Variants in PTPRD observed in about 807,000 individuals in gnomAD.
PTPRD encodes the protein receptor-type tyrosine-protein phosphatase delta.
In PTPRD, 34 loss-of-function variants were observed where a neutral mutation model predicts 214.5. That is an observed-to-expected ratio of 0.16 (90% CI 0.12 to 0.21). The LOEUF is 0.21. Among genes scored for constraint, PTPRD ranks in the 10% least tolerant of loss-of-function variants. The probability of loss-of-function intolerance (pLI) is 1.00; values close to 1 mark genes in which losing one functional copy is unlikely to be tolerated. For synonymous variants in PTPRD, 1,128 were observed against 845.7 expected (o/e 1.33, Z -5.79); for missense variants, 2,545 against 2,398.7 (o/e 1.06, Z -1.27).
intron 8 of PTPRD, among the ~76,000 whole-genome samples, chr9:9,408,919 T>C (rs945637596): frequency 6.6e-6 from 1 of 151,938 alleles, no homozygotes; most frequent in Non-Finnish European, 1.5e-5. Context: ...TAGTCTGGTG[T>C]GTTAGAGACT....
At chr9:9,020,233 T>G (rs1195218059) in intron 10 of PTPRD, among the ~76,000 whole-genome samples, 3 of 152,196 alleles carry the variant, frequency 2.0e-5, no homozygotes, top group African/African-American at 7.2e-5. Context: ...TCTAAAAAAG[T>G]GGAAGGATGT....
At chr9:10,182,184 A>G (rs1819172) in intron 3 of PTPRD, among the ~76,000 whole-genome samples, 2 of 140,592 alleles carry the variant, frequency 1.4e-5, no homozygotes, top group Admixed American at 1.5e-4. Context: ...CGCTTGAACT[A>G]GGGAGGCAGA....
At chr9:10,434,509 AG>A (rs2098704436) in intron 2 of PTPRD, among the ~76,000 whole-genome samples, 1 of 151,890 alleles carries the variant, frequency 6.6e-6, no homozygotes, top group Admixed American at 6.6e-5. Flanking sequence ...CAAGAGTTTA[AG>A]AAAGGAGTAT....
chr9:9,124,536 A>G (rs958757881), intron 10 of PTPRD, among the ~76,000 whole-genome samples: 1 of 152,182 alleles, frequency 6.6e-6, no homozygotes, highest in African/African-American at 2.4e-5. Context: ...GACTAAAAAC[A>G]ATCAAGCAAT....
intron 2 of PTPRD, among the ~76,000 whole-genome samples, chr9:10,514,122 G>T (rs1195101930): frequency 6.6e-6 from 1 of 151,900 alleles, no homozygotes; most frequent in Non-Finnish European, 1.5e-5. Flanking sequence ...AGTGAGTAAA[G>T]GTCAGTTTAT....
At chr9:8,820,942 G>C (rs140769515) in intron 11 of PTPRD, among the ~76,000 whole-genome samples, 1 of 152,244 alleles carries the variant, frequency 6.6e-6, no homozygotes, top group African/African-American at 2.4e-5. Flanking sequence ...ATCATTTTAA[G>C]TTATCAAACA....
At chr9:10,022,600 A>G (rs1404826093) in intron 4 of PTPRD, among the ~76,000 whole-genome samples, 1 of 152,250 alleles carries the variant, frequency 6.6e-6, no homozygotes, top group Non-Finnish European at 1.5e-5. Context: ...TGTAGTGCAC[A>G]GAATAAAAAA....
intron 12 of PTPRD, among the ~76,000 whole-genome samples, chr9:8,724,139 T>A (rs1221921675): frequency 6.6e-6 from 1 of 152,214 alleles, no homozygotes; most frequent in Non-Finnish European, 1.5e-5. Flanking sequence ...TAAAACTATC[T>A]GAACTTCATG....
At chr9:8,816,521 A>C (rs375028517) in intron 11 of PTPRD, among the ~76,000 whole-genome samples, 3 of 152,200 alleles carry the variant, frequency 2.0e-5, no homozygotes, top group Admixed American at 2.0e-4. Flanking sequence ...AAAGGTTCCT[A>C]AAGGAAATCA....
chr9:9,865,612 C>G (rs2063769348), intron 5 of PTPRD, among the ~76,000 whole-genome samples: 1 of 152,134 alleles, frequency 6.6e-6, no homozygotes. Flanking sequence ...TTCAGATATT[C>G]TGTTATAAAC....
chr9:9,134,609 G>A (rs1592183309), intron 10 of PTPRD, among the ~76,000 whole-genome samples: 1 of 152,136 alleles, frequency 6.6e-6, no homozygotes, highest in African/African-American at 2.4e-5. Context: ...AAAAATTTAG[G>A]TATTTGAAAT....
At chr9:9,347,285 A>G (rs565489419) in intron 9 of PTPRD, among the ~76,000 whole-genome samples, 6 of 151,046 alleles carry the variant, frequency 4.0e-5, no homozygotes, top group Non-Finnish European at 8.9e-5. Flanking sequence ...TATACTTTCT[A>G]TACTTCAGAG....
intron 9 of PTPRD, among the ~76,000 whole-genome samples, chr9:9,240,724 T>C (rs1395347299): frequency 6.6e-6 from 1 of 152,198 alleles, no homozygotes; most frequent in Non-Finnish European, 1.5e-5. Context: ...GTAATACGAA[T>C]GTTTCAAAAT....
At position 8,636,835 on chromosome 9, in the gene PTPRD, C is replaced by T. The variant is rs2154328444; in HGVS notation, c.74G>A (p.Arg25Lys). Residue 25 changes from arginine to lysine, a missense_variant, in exon 13 of 46, where the codon AGG becomes AAG. By Grantham distance (26) the Arg-to-Lys change is conservative (BLOSUM62 2). Coordinates refer to ENST00000381196, the MANE Select transcript of PTPRD (RefSeq NM_002839.4). ...CTGATCAACGGGTGTTCGTGTAAAC[C>T]TTGGAGGTGCTGAAATAAAAAATAA... ...FLRTDAETPP[R>K]FTRTPVDQTG... is the part of the protein sequence containing the mutation. 1 of 1,612,482 alleles carries T rather than the reference C, an allele frequency of 6.2e-7. No individual in the cohort carries two copies. The highest frequency in any genetic ancestry group is 8.5e-7 in the Non-Finnish European group (1 of 1,178,834).
At chr9:10,223,950 C>T (rs1004532789) in intron 3 of PTPRD, among the ~76,000 whole-genome samples, 3 of 151,284 alleles carry the variant, frequency 2.0e-5, no homozygotes, top group African/African-American at 7.3e-5. Context: ...TTATGTAGGC[C>T]AAAAACTTCT....
chr9:9,490,583 C>T (rs35914086), intron 8 of PTPRD, among the ~76,000 whole-genome samples: 12,193 of 151,856 alleles, frequency 0.08, 617 homozygotes, highest in South Asian at 0.14. Context: ...ATATCAACAA[C>T]CAAAAACAGT....
At chr9:9,185,352 C>T (rs188877080) in intron 9 of PTPRD, among the ~76,000 whole-genome samples, 1 of 152,028 alleles carries the variant, frequency 6.6e-6, no homozygotes, top group South Asian at 2.1e-4. Flanking sequence ...CTCTCCCTTT[C>T]CCCTAGAGTC....
At chr9:8,337,658 C>CT (rs1470837891) in intron 43 of PTPRD, among the ~76,000 whole-genome samples, 7 of 150,008 alleles carry the variant, frequency 4.7e-5, no homozygotes, top group Non-Finnish European at 1.0e-4. Flanking sequence ...CACAGGGAGA[C>CT]TTTAAAAAAA....
intron 36 of PTPRD, among the ~76,000 whole-genome samples, chr9:8,393,808 C>G (rs2090326412): frequency 6.6e-6 from 1 of 152,104 alleles, no homozygotes; most frequent in Non-Finnish European, 1.5e-5. Flanking sequence ...TCATATTATA[C>G]CAATATGCTC....
Sources: allele counts gnomAD v4.1 joint callset (sites outside exome capture counted in the v4.1 genomes callset), GRCh38; gene constraint gnomAD v4.1.1; transcripts MANE v1.5; gene names NCBI Gene and HGNC (gene_info 2026-07-23, HGNC 2026-07-21).